Variants in ZMYM2 observed in about 807,000 individuals in gnomAD.
The protein encoded by ZMYM2 is zinc finger MYM-type containing 2, also known as zinc finger MYM-type protein 2.
ZMYM2 carries 56 observed loss-of-function variants against 162.8 expected under a neutral mutation model. The ratio of observed to expected loss-of-function variants is 0.34; its 90% confidence interval spans 0.28 to 0.43. The LOEUF is 0.43. Ranked by LOEUF, ZMYM2 falls within the 20% of genes least tolerant of loss-of-function variation. ZMYM2 has a pLI of 1.00. For synonymous variants in ZMYM2, 510 were observed against 541.6 expected (o/e 0.94, Z 0.81); for missense variants, 1,275 against 1,621.8 (o/e 0.79, Z 3.67).
the ZMYM2 span, among the ~76,000 whole-genome samples, chr13:19,892,733 T>C: frequency 6.6e-6 from 1 of 151,572 alleles, no homozygotes; most frequent in Non-Finnish European, 1.5e-5. Flanking sequence ...TTTTTTTTTT[T>C]TGTCAGAATT....
At chr13:19,941,030 C>A in the ZMYM2 span, among the ~76,000 whole-genome samples, 14 of 152,198 alleles carry the variant, frequency 9.2e-5, no homozygotes, top group African/African-American at 2.6e-4. Flanking sequence ...AAAAACTTGG[C>A]AGGGTGTGGT....
chr13:20,030,056 A>G (rs929768399), intron 9 of ZMYM2, among the ~76,000 whole-genome samples: 2 of 151,876 alleles, frequency 1.3e-5, no homozygotes, highest in African/African-American at 4.8e-5. Flanking sequence ...CTGCCTCCCA[A>G]AGTACTGGGA....
chr13:19,964,195 G>C (rs1955532746), intron 2 of ZMYM2, among the ~76,000 whole-genome samples: 2 of 152,172 alleles, frequency 1.3e-5, no homozygotes, highest in East Asian at 3.9e-4. Flanking sequence ...TGGCCAATGT[G>C]GTGAAACCCT....
chr13:19,907,924 GT>G, the ZMYM2 span, among the ~76,000 whole-genome samples: 1 of 152,084 alleles, frequency 6.6e-6, no homozygotes. Context: ...TGTTTCATGG[GT>G]AAACTCCCTC....
At chr13:19,961,485 A>G (rs1337832480) in intron 2 of ZMYM2, among the ~76,000 whole-genome samples, 2 of 152,256 alleles carry the variant, frequency 1.3e-5, no homozygotes, top group Non-Finnish European at 2.9e-5. Context: ...AGATCATTCA[A>G]TAATGAATCA....
intron 12 of ZMYM2, among the ~76,000 whole-genome samples, chr13:20,049,472 T>C (rs1003275918): frequency 1.3e-5 from 2 of 152,050 alleles, no homozygotes; most frequent in Non-Finnish European, 2.9e-5. Flanking sequence ...GCATAGTACA[T>C]GTAATGATTT....
intron 2 of ZMYM2, among the ~76,000 whole-genome samples, chr13:19,960,602 A>G (rs1277354482): frequency 6.6e-6 from 1 of 152,234 alleles, no homozygotes; most frequent in East Asian, 1.9e-4. Context: ...TATGCTGATC[A>G]GTCCAGTGTA....
chr13:20,026,894 CTAA>C, intron 8 of ZMYM2, 132 bp downstream of exon 8: 1 of 1,052,660 alleles, frequency 9.5e-7, no homozygotes, highest in Non-Finnish European at 1.3e-6. Flanking sequence ...GAAAACTGTT[CTAA>C]TTATTTTGAT....
At position 20,086,059 on chromosome 13, in the gene ZMYM2, G is replaced by A; in HGVS notation, c.*45G>A. On this transcript the variant is annotated 3_prime_UTR_variant, in exon 25 of 25. Coordinates refer to ENST00000610343, the MANE Select transcript of ZMYM2 (RefSeq NM_197968.4). ...AATCGGGATAAAACAGCATTAGATA[G>A]TCATGCTGCTAGATCTTTATTATGG... 1 of 1,553,548 alleles carries A rather than the reference G, an allele frequency of 6.4e-7. No individual in the cohort carries two copies. Among genetic ancestry groups the A allele is most frequent in the Non-Finnish European group, 8.8e-7 (1 of 1,135,640 alleles).
the ZMYM2 span, among the ~76,000 whole-genome samples, chr13:19,893,845 GA>G: frequency 0.013 from 2,008 of 151,884 alleles, 51 homozygotes; most frequent in African/African-American, 0.035. Context: ...CTTTTTTAAA[GA>G]GATGAGGTCT....
chr13:19,969,996 T>G, intron 2 of ZMYM2: 1 of 981,248 alleles, frequency 1.0e-6, no homozygotes, highest in Non-Finnish European at 1.2e-6. Context: ...CTCATTTGCT[T>G]ATTGATGCAA....
the ZMYM2 span, among the ~76,000 whole-genome samples, chr13:19,885,947 A>ATACACACATATATGTGTGTATATGTGTG: frequency 4.8e-5 from 1 of 20,874 alleles, no homozygotes; most frequent in Admixed American, 4.5e-4. Flanking sequence ...ATATATATGT[A>ATACACACATATATGTGTGTATATGTGTG]TATACACATA....
chr13:19,932,734 T>C, the ZMYM2 span, among the ~76,000 whole-genome samples: 5 of 152,110 alleles, frequency 3.3e-5, no homozygotes, highest in Admixed American at 6.6e-5. Flanking sequence ...AAGGTGGCTG[T>C]CTACAAGTCA....
At chr13:19,924,895 TG>T in the ZMYM2 span, among the ~76,000 whole-genome samples, 38 of 150,874 alleles carry the variant, frequency 2.5e-4, no homozygotes, top group Middle Eastern at 3.4e-3. Flanking sequence ...TTTTTTTTTT[TG>T]TTTTGAGATG....
At chr13:19,897,926 A>G in the ZMYM2 span, among the ~76,000 whole-genome samples, 1 of 152,158 alleles carries the variant, frequency 6.6e-6, no homozygotes, top group African/African-American at 2.4e-5. Context: ...CCTTTCAACA[A>G]TTGATAGAAC....
the ZMYM2 span, among the ~76,000 whole-genome samples, chr13:19,938,396 G>A: frequency 6.6e-6 from 1 of 152,086 alleles, no homozygotes; most frequent in Admixed American, 6.5e-5. Context: ...AACACAGGAG[G>A]GTGAGGCAGG....
intron 3 of ZMYM2, among the ~76,000 whole-genome samples, chr13:19,995,019 A>AT (rs1447538462): frequency 1.4e-5 from 2 of 143,738 alleles, no homozygotes; most frequent in East Asian, 2.0e-4. Context: ...AAAAAAAAAA[A>AT]TTATTTGTAG....
At chr13:20,004,705 C>A (rs750613528) in intron 4 of ZMYM2, among the ~76,000 whole-genome samples, 4 of 152,176 alleles carry the variant, frequency 2.6e-5, no homozygotes, top group Non-Finnish European at 4.4e-5. Flanking sequence ...ATACCTCTTA[C>A]TTTCTACTTA....
the ZMYM2 span, among the ~76,000 whole-genome samples, chr13:19,933,652 C>T: frequency 6.6e-6 from 1 of 152,148 alleles, no homozygotes; most frequent in Non-Finnish European, 1.5e-5. Flanking sequence ...CATCGCCAAG[C>T]AATAAACAGA....
Sources: gnomAD v4.1 joint callset for allele counts (sites outside exome capture counted in the v4.1 genomes callset) on GRCh38, gnomAD v4.1.1 for gene constraint, MANE v1.5 for transcripts, NCBI Gene and HGNC (gene_info 2026-07-23, HGNC 2026-07-21) for gene names.